D2HGDH: variants seen among roughly 807,000 people sequenced by gnomAD.
D2HGDH encodes the protein D-2-hydroxyglutarate dehydrogenase, mitochondrial.
Under a neutral mutation model 46.9 loss-of-function variants are expected in D2HGDH, and 31 were observed. The observed-to-expected ratio is 0.66, with a 90% confidence interval of 0.50 to 0.89. The LOEUF (loss-of-function observed/expected upper bound fraction) is 0.89, where lower values mean the gene tolerates loss of function less well. Among genes scored for constraint, D2HGDH ranks in the 40% least tolerant of loss-of-function variants. D2HGDH has a pLI of 0.00. For synonymous variants in D2HGDH, 364 were observed against 332.6 expected, an observed-to-expected ratio of 1.09 and a Z score of -1.03; for missense variants, 698 against 720.8, an observed-to-expected ratio of 0.97 and a Z score of 0.36.
At chr2:241,759,872 C>T (rs375045060) in intron 9 of D2HGDH, among the ~76,000 whole-genome samples, 11 of 152,276 alleles carry the variant, frequency 7.2e-5, no homozygotes, top group African/African-American at 2.7e-4. Context: ...GGTGAATTCT[C>T]TGCGTCCACT....
At chr2:241,765,118 G>T (rs1699168055) in intron 9 of D2HGDH, among the ~76,000 whole-genome samples, 1 of 152,230 alleles carries the variant, frequency 6.6e-6, no homozygotes, top group Non-Finnish European at 1.5e-5. Context: ...CGTCCAGATA[G>T]AGCTGCCCTG....
At position 241,760,495 on chromosome 2, in the gene D2HGDH, A is replaced by T. The variant is rs185286638; in HGVS notation, c.1306+4481A>T. 1.7e-3 allele frequency among the ~76,000 whole-genome samples: 249 copies of T among 150,786 alleles called. 1 individual carries two copies. The highest frequency in any genetic ancestry group is 5.9e-3 in the African/African-American group (240 of 40,836). ...GCCACAGCGTGGGTGGGCCTTACCC[A>T]GTCAAAGGCCTTTGCCACAGCGTGG... On this transcript the variant is annotated intron_variant, in intron 9 of 9. Coordinates refer to ENST00000321264, the MANE Select transcript of D2HGDH (RefSeq NM_152783.5).
At chr2:241,751,969 G>A (rs1405325258) in intron 8 of D2HGDH, among the ~76,000 whole-genome samples, 1 of 128,814 alleles carries the variant, frequency 7.8e-6, no homozygotes, top group East Asian at 2.2e-4. Flanking sequence ...GGCAGGGGGA[G>A]CCCTCGGTCA....
intron 6 of D2HGDH, among the ~76,000 whole-genome samples, chr2:241,746,022 T>G (rs1179473233): frequency 6.6e-6 from 1 of 152,152 alleles, no homozygotes; most frequent in African/African-American, 2.4e-5. Flanking sequence ...CAGTGTGTGG[T>G]GTGTGTGTGT....
chr2:241,763,722 C>T (rs764042510), intron 9 of D2HGDH, among the ~76,000 whole-genome samples: 1 of 152,130 alleles, frequency 6.6e-6, no homozygotes. Flanking sequence ...TGTTATGAAG[C>T]GTGACTGTAT....
intron 2 of D2HGDH, among the ~76,000 whole-genome samples, chr2:241,740,479 A>G (rs1342001626): frequency 6.6e-6 from 1 of 152,172 alleles, no homozygotes; most frequent in Admixed American, 6.5e-5. Flanking sequence ...CCACTTCTGC[A>G]CACTGTGCCC....
intron 7 of D2HGDH, 86 bp from the exon 8 acceptor site, chr2:241,751,160 A>G: frequency 1.9e-6 from 3 of 1,582,172 alleles, no homozygotes; most frequent in Non-Finnish European, 2.6e-6. Context: ...AGTGGTTGCT[A>G]TTACAGCTGT....
chr2:241,739,434 A>G (rs1303122212), intron 2 of D2HGDH, among the ~76,000 whole-genome samples: 2 of 152,264 alleles, frequency 1.3e-5, no homozygotes, highest in African/African-American at 4.8e-5. Flanking sequence ...GCCGAGGCCC[A>G]GGTGCCCAGC....
At chr2:241,757,940 CAA>C (rs756104619) in intron 9 of D2HGDH, among the ~76,000 whole-genome samples, 23 of 140,568 alleles carry the variant, frequency 1.6e-4, no homozygotes, top group Non-Finnish European at 2.4e-4. Context: ...GCCTGGGTGA[CAA>C]GAGTGAAACT....
chr2:241,762,017 G>A (rs1390066154), intron 9 of D2HGDH, among the ~76,000 whole-genome samples: 3 of 151,760 alleles, frequency 2.0e-5, no homozygotes, highest in African/African-American at 2.4e-5. Flanking sequence ...AGTTCCCTTC[G>A]GGGGAATGGA....
At chr2:241,735,548 C>T in intron 2 of D2HGDH, 32 bp downstream of exon 2, 3 of 1,597,452 alleles carry the variant, frequency 1.9e-6, no homozygotes, top group Non-Finnish European at 2.5e-6. Flanking sequence ...GCGGCGTTTC[C>T]GCGTCCCTGC....
At position 241,744,758 on chromosome 2, in the gene D2HGDH, A is replaced by G. The variant is rs1055199942; in HGVS notation, c.734A>G (p.Asp245Gly). ...GACTGCCTGACCTCCCTGAGGAAGG[A>G]CAACACGGGCTATGACCTGAAGCAG... ...VLDCLTSLRK[D>G]NTGYDLKQLF... The change falls in exon 6 of 10, where the codon GAC (aspartate) becomes GGC (glycine). Residue 245 changes from aspartate to glycine, a missense_variant. By Grantham distance (94) the Asp-to-Gly change is moderately conservative. Coordinates refer to ENST00000321264, the MANE Select transcript of D2HGDH (RefSeq NM_152783.5). The G allele has an allele frequency of 3.1e-6, 5 of 1,614,092 alleles. No individual in the cohort carries two copies. The highest frequency in any genetic ancestry group is 1.1e-5 in the South Asian group (1 of 91,092).
In D2HGDH at chr2:241,738,208, G is replaced by T. The variant is rs559964985; in HGVS notation, c.292+2692G>T. Among the ~76,000 whole-genome samples, 259 of 152,334 alleles carry T rather than the reference G, an allele frequency of 1.7e-3. 1 individual carries two copies. Among genetic ancestry groups the T allele is most frequent in the African/African-American group, 5.9e-3 (244 of 41,576 alleles). ...CCCTCTGGGGCGATCTCAAGCTGCT[G>T]CCCTGAGTGCACACCATGGCCCAGG... On this transcript the variant is annotated intron_variant, in intron 2 of 9. Coordinates refer to ENST00000321264, the MANE Select transcript of D2HGDH (RefSeq NM_152783.5).
At position 241,735,535 on chromosome 2, in the gene D2HGDH, G is replaced by GC. The variant is rs773191468; in HGVS notation, c.292+20dup. ...CTGCGAGGTGGGTGAGGCTTGGGAA[G>GC]CTGCGGCGTTTCCGCGTCCCTGCTC... is the stretch of plus-strand genomic sequence containing the variant. On this transcript the variant is annotated intron_variant, in intron 2 of 9. Transcript: ENST00000321264. 5.0e-6 allele frequency: 8 copies of GC among 1,601,534 alleles called. No individual in the cohort carries two copies. The Admixed American group carries it at 1.2e-4, about 23-fold the overall frequency.
rs146231507 is a variant in D2HGDH at position 241,764,497 on chromosome 2, A to G, written c.1307-3213A>G. ...GATGTCACATGACAGGACATGGACTATGAGTCTCCAGGTGGCATCTCGGAG... is the reference window on the plus strand; with the variant it reads ...GATGTCACATGACAGGACATGGACTGTGAGTCTCCAGGTGGCATCTCGGAG... On this transcript the variant is annotated intron_variant, in intron 9 of 9. Transcript: ENST00000321264. Among the ~76,000 whole-genome samples, 234 of 152,342 alleles carry G rather than the reference A, an allele frequency of 1.5e-3. 1 individual carries two copies. The highest frequency in any genetic ancestry group is 5.2e-3 in the African/African-American group (216 of 41,584).
chr2:241,761,726 A>G (rs532666984), intron 9 of D2HGDH, among the ~76,000 whole-genome samples: 1 of 152,226 alleles, frequency 6.6e-6, no homozygotes, highest in African/African-American at 2.4e-5. Context: ...TCAGTCACAC[A>G]TAACCCTGTC....
chr2:241,739,605 G>A (rs865888551), intron 2 of D2HGDH, among the ~76,000 whole-genome samples: 6 of 152,346 alleles, frequency 3.9e-5, no homozygotes, highest in Non-Finnish European at 5.9e-5. Context: ...CCATCACCTG[G>A]GAAAGTCGTC....
chr2:241,756,745 C>T (rs1009917058), intron 9 of D2HGDH, among the ~76,000 whole-genome samples: 1 of 152,204 alleles, frequency 6.6e-6, no homozygotes, highest in Non-Finnish European at 1.5e-5. Flanking sequence ...TGGTCTTGAA[C>T]TCCTGACCTC....
chr2:241,751,312 G>T lies in D2HGDH; in HGVS notation c.1064G>T (p.Gly355Val). 2 of 1,613,956 alleles carry T rather than the reference G, an allele frequency of 1.2e-6. No individual in the cohort carries two copies. Among genetic ancestry groups the T allele is most frequent in the Admixed American group, 3.3e-5 (2 of 60,022 alleles). Reference sequence around the variant, plus strand: ...GCAGGCCATGACGCTGAGAAGCTGGGCCACTTCCTGGAGCACGCGCTGGGC... The same window carrying T: ...GCAGGCCATGACGCTGAGAAGCTGGTCCACTTCCTGGAGCACGCGCTGGGC... ...SNAGHDAEKL[G>V]HFLEHALGSG... Residue 355 changes from glycine (G) to valine (V), a missense_variant, in exon 8 of 10, where the codon GGC (glycine) becomes GTC (valine). Physicochemically the swap from Gly to Val is moderately radical, Grantham distance 109. Transcript: ENST00000321264.
Sources: gnomAD v4.1 joint callset for allele counts (sites outside exome capture counted in the v4.1 genomes callset) on GRCh38, gnomAD v4.1.1 for gene constraint, MANE v1.5 for transcripts, NCBI Gene and HGNC (gene_info 2026-07-23, HGNC 2026-07-21) for gene names.